The following BABAM2 variants were observed in gnomAD, a reference collection of about 807,000 sequenced individuals.
The protein encoded by BABAM2 is BRISC and BRCA1-A complex member 2.
Under a neutral mutation model 54.7 loss-of-function variants are expected in BABAM2, and 31 were observed. That is an observed-to-expected ratio of 0.57 (90% CI 0.43 to 0.77). BABAM2 has a LOEUF of 0.77. Ranked by LOEUF, BABAM2 falls within the 30% of genes least tolerant of loss-of-function variation. The pLI is 0.00. For missense variants in BABAM2, 364 were observed against 455.8 expected, an observed-to-expected ratio of 0.80 and a Z score of 1.83; for synonymous variants, 167 against 162.9, an observed-to-expected ratio of 1.03 and a Z score of -0.19.
At chr2:28,312,826 A>G (rs1689191055) in intron 11 of BABAM2, among the ~76,000 whole-genome samples, 1 of 152,200 alleles carries the variant, frequency 6.6e-6, no homozygotes, top group South Asian at 2.1e-4. Context: ...ATTCAATGAA[A>G]TAATCGATAT....
intron 7 of BABAM2, among the ~76,000 whole-genome samples, chr2:28,234,546 A>G (rs186352569): frequency 1.7e-4 from 26 of 152,302 alleles, no homozygotes; most frequent in African/African-American, 5.3e-4. Context: ...AATATTTTAT[A>G]TAAGTCAAAG....
At chr2:28,337,548 G>A (rs967042550) in intron 11 of BABAM2, among the ~76,000 whole-genome samples, 8 of 152,226 alleles carry the variant, frequency 5.3e-5, no homozygotes, top group African/African-American at 1.7e-4. Flanking sequence ...CCTGGATGCC[G>A]GAAAGGCCAA....
In BABAM2 at chr2:27,933,561, C is replaced by T. The variant is rs187768366; in HGVS notation, c.205+3653C>T. 1.1e-3 allele frequency among the ~76,000 whole-genome samples: 166 copies of T among 151,770 alleles called. 1 individual carries two copies. The highest frequency in any genetic ancestry group is 2.5e-3 in the South Asian group (12 of 4,810). On this transcript the variant is annotated intron_variant, in intron 3 of 11. Coordinates refer to ENST00000379624, the MANE Select transcript of BABAM2 (RefSeq NM_199191.3). ...TTGGCTCACTGCAACCTCCACCTCCCGGGTTCAAGCAATTCTCCTGCCTCA... is the reference window on the plus strand; with the variant it reads ...TTGGCTCACTGCAACCTCCACCTCCTGGGTTCAAGCAATTCTCCTGCCTCA...
chr2:28,015,951 C>CT (rs375637223), intron 4 of BABAM2: 26 of 590,388 alleles, frequency 4.4e-5, no homozygotes, highest in South Asian at 1.8e-4. Flanking sequence ...ATATCTTTCT[C>CT]TTTTTTCTGA....
chr2:27,983,942 C>CTTTTTTTTTTGTTTTTTTTTTTTTTT (rs1672199818), intron 3 of BABAM2, among the ~76,000 whole-genome samples: 1 of 31,138 alleles, frequency 3.2e-5, no homozygotes, highest in Admixed American at 2.9e-4. Context: ...CATTTTGTAC[C>CTTTTTTTTTTGTTTTTTTTTTTTTTT]TTTTTTTTTT....
intron 6 of BABAM2, among the ~76,000 whole-genome samples, chr2:28,115,420 A>T (rs1190152055): frequency 6.6e-6 from 1 of 151,926 alleles, no homozygotes; most frequent in Admixed American, 6.6e-5. Context: ...AGGTCAGGAG[A>T]TCGAGACCAT....
At chr2:28,298,223 G>T in intron 10 of BABAM2, 115 bp from the exon 11 acceptor site, 2 of 1,071,906 alleles carry the variant, frequency 1.9e-6, no homozygotes, top group African/African-American at 1.6e-5. Context: ...CAAACTGCAA[G>T]CAGTATTTGT....
chr2:28,112,190 C>CTTCCTT (rs1558347322), intron 6 of BABAM2, among the ~76,000 whole-genome samples: 1 of 72,282 alleles, frequency 1.4e-5, no homozygotes, highest in Non-Finnish European at 2.6e-5. Context: ...TCCCTCCCTC[C>CTTCCTT]CTCCCTCCCT....
intron 2 of BABAM2, among the ~76,000 whole-genome samples, chr2:27,898,554 G>GTGA (rs1665523087): frequency 6.6e-6 from 1 of 152,148 alleles, no homozygotes; most frequent in Non-Finnish European, 1.5e-5. Flanking sequence ...TGTCCATCAG[G>GTGA]TGATGAATGG....
chr2:28,260,894 T>C (rs563403766), intron 10 of BABAM2, among the ~76,000 whole-genome samples: 4 of 152,202 alleles, frequency 2.6e-5, no homozygotes, highest in African/African-American at 9.6e-5. Context: ...TCTAAGTATA[T>C]TTTTAAGCTA....
chr2:28,223,077 G>T (rs889052681), intron 7 of BABAM2, among the ~76,000 whole-genome samples: 1 of 152,204 alleles, frequency 6.6e-6, no homozygotes, highest in African/African-American at 2.4e-5. Flanking sequence ...ATGTTATTTA[G>T]AAATAGATTC....
intron 10 of BABAM2, among the ~76,000 whole-genome samples, chr2:28,274,681 G>T (rs1218468767): frequency 1.3e-5 from 2 of 152,110 alleles, no homozygotes; most frequent in Admixed American, 6.6e-5. Context: ...TATGCACAGC[G>T]CCTGGCCCGG....
At chr2:28,228,408 G>T (rs966245650) in intron 7 of BABAM2, among the ~76,000 whole-genome samples, 3 of 152,146 alleles carry the variant, frequency 2.0e-5, no homozygotes, top group African/African-American at 7.2e-5. Context: ...AAAAATGTTT[G>T]TAGGTTAGTC....
intron 7 of BABAM2, among the ~76,000 whole-genome samples, chr2:28,175,875 C>T (rs531225649): frequency 6.6e-6 from 1 of 152,320 alleles, no homozygotes; most frequent in South Asian, 2.1e-4. Flanking sequence ...AGAACTGGCT[C>T]ACATGGTGTC....
rs1298977074 is a variant in BABAM2, at chr2:28,160,278, G to GC, written c.680+30900dup. On this transcript the variant is annotated intron_variant, in intron 7 of 11. Transcript: ENST00000379624. ...ATTCCAGGACTAGCCACTGCGCCTG[G>GC]CCATGATTGGTTTTTAGTATATTCT... Among the ~76,000 whole-genome samples the GC allele has an allele frequency of 2.0e-5, 3 of 152,174 alleles. No homozygotes were observed. The East Asian group carries it at 5.8e-4, about 29-fold the overall frequency.
intron 7 of BABAM2, among the ~76,000 whole-genome samples, chr2:28,219,503 A>G (rs1398254869): frequency 6.6e-6 from 1 of 152,112 alleles, no homozygotes; most frequent in Non-Finnish European, 1.5e-5. Flanking sequence ...CCTTTATTAC[A>G]TCTCACCAAA....
intron 5 of BABAM2, among the ~76,000 whole-genome samples, chr2:28,043,802 C>T (rs952322087): frequency 6.6e-6 from 1 of 152,156 alleles, no homozygotes; most frequent in African/African-American, 2.4e-5. Context: ...CCTTCTCCCA[C>T]CCACCATGAT....
chr2:28,199,350 C>T (rs1207225210), intron 7 of BABAM2, among the ~76,000 whole-genome samples: 1 of 152,190 alleles, frequency 6.6e-6, no homozygotes, highest in African/African-American at 2.4e-5. Context: ...TGCCACCTAG[C>T]CCTTCCTGTT....
At chr2:27,891,866 ATTG>A in intron 1 of BABAM2, among the ~76,000 whole-genome samples, 1 of 152,100 alleles carries the variant, frequency 6.6e-6, no homozygotes, top group South Asian at 2.1e-4. Context: ...ATTAGAATGT[ATTG>A]TTGTCACTTA....
Sources: gnomAD v4.1 joint callset for allele counts (sites outside exome capture counted in the v4.1 genomes callset) on GRCh38, gnomAD v4.1.1 for gene constraint, MANE v1.5 for transcripts, NCBI Gene and HGNC (gene_info 2026-07-23, HGNC 2026-07-21) for gene names.